Variants in AKAP13 observed in about 807,000 individuals in gnomAD.
The protein encoded by AKAP13 is A-kinase anchor protein 13.
Under a neutral mutation model 264.5 loss-of-function variants are expected in AKAP13, and 80 were observed. The observed-to-expected ratio is 0.30, with a 90% CI of 0.25 to 0.36. AKAP13 has a LOEUF of 0.36. Among genes scored for constraint, AKAP13 ranks in the 10% least tolerant of loss-of-function variants. The pLI, the probability that AKAP13 is intolerant of heterozygous loss-of-function variation, is 1.00. For synonymous variants in AKAP13, 1,380 were observed against 1,250.2 expected (o/e 1.10, Z -2.19); for missense variants, 3,712 against 3,435.2 (o/e 1.08, Z -2.01).
intron 5 of AKAP13, among the ~76,000 whole-genome samples, chr15:85,555,933 C>G (rs1223853458): frequency 6.6e-6 from 1 of 152,102 alleles, no homozygotes; most frequent in African/African-American, 2.4e-5. Flanking sequence ...TTTTATAAAA[C>G]TTATAACAAA....
At chr15:85,614,533 AT>A (rs1024727322) in intron 8 of AKAP13, among the ~76,000 whole-genome samples, 2 of 152,252 alleles carry the variant, frequency 1.3e-5, no homozygotes, top group African/African-American at 4.8e-5. Context: ...TGGCATTTTT[AT>A]TTTTTAAAAA....
At chr15:85,669,659 A>T in intron 13 of AKAP13, 63 bp from the exon 14 acceptor site, 1 of 1,263,922 alleles carries the variant, frequency 7.9e-7, no homozygotes, top group Non-Finnish European at 1.1e-6. Context: ...ATAAGGTTTT[A>T]TGCTTATCTA....
intron 19 of AKAP13, among the ~76,000 whole-genome samples, chr15:85,713,990 C>T (rs1046418693): frequency 7.9e-5 from 12 of 152,144 alleles, no homozygotes; most frequent in African/African-American, 7.2e-5. Context: ...TTGAATAACT[C>T]GGATGATAGG....
At chr15:85,698,924 A>T (rs1228132180) in intron 17 of AKAP13, among the ~76,000 whole-genome samples, 1 of 145,880 alleles carries the variant, frequency 6.9e-6, no homozygotes, top group Non-Finnish European at 1.5e-5. Context: ...AGCCTGGGAA[A>T]CAGAGCGAGA....
intron 10 of AKAP13, among the ~76,000 whole-genome samples, chr15:85,649,615 G>A (rs115115353): frequency 8.5e-4 from 129 of 152,268 alleles, no homozygotes; most frequent in Admixed American, 1.8e-3. Flanking sequence ...TTAACAGCCC[G>A]TAACGTTTGT....
chr15:85,389,728 G>T (rs1843000110), intron 1 of AKAP13: 1 of 152,238 alleles, frequency 6.6e-6, no homozygotes, highest in Non-Finnish European at 1.5e-5. Flanking sequence ...GAGGCACATG[G>T]TACATACCTA....
chr15:85,664,135 C>A (rs1350843255), intron 12 of AKAP13, among the ~76,000 whole-genome samples: 1 of 152,048 alleles, frequency 6.6e-6, no homozygotes, highest in Non-Finnish European at 1.5e-5. Context: ...GGCAAGTTAC[C>A]CAGTTTGCCT....
intron 17 of AKAP13, among the ~76,000 whole-genome samples, chr15:85,701,558 G>T (rs549100738): frequency 6.6e-6 from 1 of 151,964 alleles, no homozygotes; most frequent in Non-Finnish European, 1.5e-5. Flanking sequence ...TTCTGCCTCA[G>T]TCTCCCAAGT....
chr15:85,501,979 G>A lies in AKAP13; in HGVS notation c.33+16226G>A, dbSNP rs2076048740. On this transcript the variant is annotated intron_variant, in intron 2 of 36. Transcript: ENST00000394518. The stretch of plus-strand genomic sequence containing the variant: ...CAGACACTAGACCTTTGTGGTAACT[G>A]GTACGGCGGAGCATGGTGCTGTGGG... Among the ~76,000 whole-genome samples, 4 of 152,224 alleles carry A rather than the reference G, an allele frequency of 2.6e-5. No individual in the cohort carries two copies. In the South Asian group the frequency reaches 8.3e-4, roughly 31 times the overall value.
chr15:85,684,497 A>G (rs1249781457), intron 15 of AKAP13: 6 of 347,660 alleles, frequency 1.7e-5, no homozygotes, highest in Non-Finnish European at 2.6e-5. Flanking sequence ...TCAGGAGTTC[A>G]AGGCTGCAGT....
intron 16 of AKAP13, among the ~76,000 whole-genome samples, chr15:85,689,602 A>T (rs998674502): frequency 6.6e-6 from 1 of 152,206 alleles, no homozygotes; most frequent in Non-Finnish European, 1.5e-5. Flanking sequence ...ACCACTTTAC[A>T]CCAGGCAACT....
chr15:85,535,203 T>C (rs1363681800), intron 4 of AKAP13: 1 of 152,212 alleles, frequency 6.6e-6, no homozygotes, highest in Non-Finnish European at 1.5e-5. Context: ...GCATAGTTAG[T>C]TTCTACACTC....
chr15:85,718,282 TA>T lies in AKAP13; in HGVS notation c.6001+128del. 8.3e-7 allele frequency: 1 copy of T among 1,204,428 alleles called. No individual in the cohort carries two copies. Among genetic ancestry groups the T allele is most frequent in the Non-Finnish European group, 1.2e-6 (1 of 865,710 alleles). The allele number at this position is 1,204,428 out of a possible 1,614,324, so 74.6% of individuals were successfully genotyped here. On this transcript the variant is annotated intron_variant, in intron 22 of 36. Coordinates refer to ENST00000394518, the MANE Select transcript of AKAP13 (RefSeq NM_007200.5). This position sits in a 1 kb window ranked among gnomAD's most constrained non-coding sequence, Gnocchi z 4.9. ...TGTGGCTTCTTGAAAAGATTTCCTT[TA>T]AAAACTTTAAGGTACAGAGACGTGG...
chr15:85,501,242 G>T (rs7162502), intron 2 of AKAP13, among the ~76,000 whole-genome samples: 77,096 of 151,980 alleles, frequency 0.51, 20,117 homozygotes, highest in Middle Eastern at 0.61. Context: ...AGCTACAACT[G>T]TGGGTATTTC....
At chr15:85,496,906 T>A (rs4843062) in intron 2 of AKAP13, among the ~76,000 whole-genome samples, 1 of 152,064 alleles carries the variant, frequency 6.6e-6, no homozygotes, top group African/African-American at 2.4e-5. Context: ...TTTCAGTTTC[T>A]TTCTGTTGGA....
intron 17 of AKAP13, among the ~76,000 whole-genome samples, chr15:85,703,302 G>A (rs1409035536): frequency 6.6e-6 from 1 of 152,166 alleles, no homozygotes; most frequent in Non-Finnish European, 1.5e-5. Context: ...AAGACCCTAA[G>A]CAATAAAGGC....
At chr15:85,507,649 T>C (rs1243917484) in intron 2 of AKAP13, among the ~76,000 whole-genome samples, 1 of 152,250 alleles carries the variant, frequency 6.6e-6, no homozygotes. Flanking sequence ...TGACATTCTT[T>C]TAGTCAACCA....
intron 33 of AKAP13, among the ~76,000 whole-genome samples, chr15:85,736,561 C>G (rs1394230351): frequency 1.3e-5 from 2 of 152,098 alleles, no homozygotes; most frequent in Admixed American, 1.3e-4. Context: ...CCATGCCCGG[C>G]TAACTTTTGT....
intron 9 of AKAP13, among the ~76,000 whole-genome samples, chr15:85,641,486 A>T (rs1027383312): frequency 6.4e-5 from 9 of 139,952 alleles, no homozygotes; most frequent in African/African-American, 2.5e-4. Context: ...ATAAATAAAT[A>T]AATAAATAAA....
Sources: allele counts gnomAD v4.1 joint callset (sites outside exome capture counted in the v4.1 genomes callset), GRCh38; gene constraint gnomAD v4.1.1; non-coding constraint Gnocchi (gnomAD v3.1); transcripts MANE v1.5; gene names NCBI Gene and HGNC (gene_info 2026-07-23, HGNC 2026-07-21).